Variants in CIITA observed in about 807,000 individuals in gnomAD.
The protein encoded by CIITA is MHC class II transactivator.
Under a neutral mutation model 115.1 loss-of-function variants are expected in CIITA, and 72 were observed. The ratio of observed to expected loss-of-function variants is 0.63; its 90% CI spans 0.52 to 0.76. CIITA has a LOEUF of 0.76. CIITA is among the 30% of genes least tolerant of loss of function. CIITA has a pLI of 0.00. For missense variants in CIITA, 1,617 were observed against 1,463.8 expected, an observed-to-expected ratio of 1.10 and a Z score of -1.71; for synonymous variants, 763 against 635.6, an observed-to-expected ratio of 1.20 and a Z score of -3.02.
chr16:10,918,860 C>T (rs1567444490), intron 16 of CIITA, among the ~76,000 whole-genome samples: 1 of 152,218 alleles, frequency 6.6e-6, no homozygotes, highest in Non-Finnish European at 1.5e-5. Context: ...GTGGTGGCTT[C>T]TGGAAGGCTA....
chr16:10,876,861 A>G (rs931625103), upstream of CIITA, among the ~76,000 whole-genome samples: 6 of 152,172 alleles, frequency 3.9e-5, no homozygotes, highest in African/African-American at 1.2e-4. Flanking sequence ...GCGGAGGGCT[A>G]TGATACTGGC....
In CIITA at chr16:10,901,185, G is replaced by A. The variant is rs2144522052; in HGVS notation, c.437-329G>A. Among the ~76,000 whole-genome samples the A allele has an allele frequency of 1.3e-5, 2 of 152,360 alleles. No homozygotes were observed. Among genetic ancestry groups the A allele is most frequent in the South Asian group, 4.1e-4 (2 of 4,824 alleles). ...GATGTGAGATCAAAGGTTCAGAGAA[G>A]CTGCATTGCAAAGGCACACAGCTAG... On this transcript the variant is annotated intron_variant, in intron 5 of 19. Transcript: ENST00000324288. The surrounding 1 kb of genome is among the most constrained non-coding windows in gnomAD (Gnocchi z 6.8).
intron 9 of CIITA, 130 bp downstream of exon 9, chr16:10,904,025 GGACAGGGAGGGTC>G: frequency 8.4e-7 from 1 of 1,193,534 alleles, no homozygotes; most frequent in Non-Finnish European, 1.2e-6. Flanking sequence ...GGGTCAGTCG[GGACAGGGAGGGTC>G]TCCAGGGAGT....
chr16:10,899,907 G>C (rs555081481), intron 5 of CIITA, among the ~76,000 whole-genome samples: 24 of 151,818 alleles, frequency 1.6e-4, no homozygotes, highest in Non-Finnish European at 2.9e-4. Context: ...TGGTGAAACC[G>C]CGTCTCTACC....
chr16:10,890,952 G>A (rs1475502217), intron 1 of CIITA, among the ~76,000 whole-genome samples: 3 of 152,208 alleles, frequency 2.0e-5, no homozygotes, highest in Non-Finnish European at 4.4e-5. Flanking sequence ...CCAGGTTACA[G>A]TGTGTTGGTA....
intron 9 of CIITA, 68 bp from the exon 10 acceptor site, chr16:10,904,676 C>T: frequency 6.4e-7 from 1 of 1,559,196 alleles, no homozygotes; most frequent in Non-Finnish European, 8.8e-7. Flanking sequence ...GACTAAGTGG[C>T]CCAGAGGGAG....
chr16:10,915,054 TG>T (rs1318413919), intron 13 of CIITA: 1 of 456,192 alleles, frequency 2.2e-6, no homozygotes, highest in African/African-American at 2.0e-5. Flanking sequence ...TTTCTTTTTT[TG>T]TTTTTTTTCT....
At chr16:10,890,837 G>A (rs146902123) in intron 1 of CIITA, among the ~76,000 whole-genome samples, 1 of 152,238 alleles carries the variant, frequency 6.6e-6, no homozygotes, top group South Asian at 2.1e-4. Flanking sequence ...ATTGCTAAGG[G>A]CTCCGCGTGA....
rs557974670 is a variant in CIITA at position 10,920,483 on chromosome 16, G to C, written c.3150-1684G>C. On this transcript the variant is annotated intron_variant, in intron 16 of 19. Transcript: ENST00000324288. This position sits in a 1 kb window ranked among gnomAD's most constrained non-coding sequence, Gnocchi z 4.5. The stretch of plus-strand genomic sequence containing the variant: ...ACTGGTCTTGAAATCCTGGGCCCAA[G>C]CGATCCACCCACCTCAGCCTTCCAA... Among the ~76,000 whole-genome samples, 2 of 152,338 alleles carry C rather than the reference G, an allele frequency of 1.3e-5. No homozygotes were observed. Among genetic ancestry groups the C allele is most frequent in the Middle Eastern group, 3.4e-3 (1 of 294 alleles).
chr16:10,871,039 C>G (rs941356675), intron 1 of CIITA, among the ~76,000 whole-genome samples: 2 of 152,240 alleles, frequency 1.3e-5, no homozygotes, highest in African/African-American at 4.8e-5. Context: ...GTTGAACTGG[C>G]ACATGGGCCA....
Position 10,906,737 on chromosome 16 carries a change from G to A in CIITA, c.1245G>A (p.Val415=), listed in dbSNP as rs2039185777. 6.2e-7 allele frequency: 1 copy of A among 1,610,838 alleles called. No homozygotes were observed. Residue 415 remains valine, a synonymous_variant, in exon 11 of 20, where the codon GTG becomes GTA. Coordinates refer to ENST00000324288, the MANE Select transcript of CIITA (RefSeq NM_000246.4). The stretch of plus-strand genomic sequence containing the variant: ...ACCGGCGGCCGCGTGAGACACGAGT[G>A]ATTGCTGTGCTGGGCAAAGCTGGTC... ...KEHRRPRETR[V]IAVLGKAGQG...
chr16:10,874,050 G>C (rs1447630716), upstream of CIITA, among the ~76,000 whole-genome samples: 1 of 151,578 alleles, frequency 6.6e-6, no homozygotes, highest in Admixed American at 6.6e-5. Context: ...GTGTGATCTC[G>C]GCTCACTTGC....
At chr16:10,876,088 C>T (rs886389419), upstream of CIITA, among the ~76,000 whole-genome samples, 1 of 152,014 alleles carries the variant, frequency 6.6e-6, no homozygotes, top group African/African-American at 2.4e-5. Context: ...ACCCGGGAGG[C>T]GGAGGTTGCA....
chr16:10,873,990 T>C (rs959297262), upstream of CIITA, among the ~76,000 whole-genome samples: 5 of 152,180 alleles, frequency 3.3e-5, no homozygotes, highest in African/African-American at 9.7e-5. Context: ...TTTTTGTTTT[T>C]GATTTTTTGA....
At chr16:10,922,334 G>A in intron 17 of CIITA, 73 bp from the exon 18 acceptor site, 3 of 1,608,056 alleles carry the variant, frequency 1.9e-6, no homozygotes, top group Non-Finnish European at 2.6e-6. Flanking sequence ...GGAAGAGCTG[G>A]ATGTGGGGGT....
chr16:10,879,962 G>C lies in CIITA; in HGVS notation c.52+2580G>C, dbSNP rs887794802. Among the ~76,000 whole-genome samples the C allele has an allele frequency of 6.6e-6, 1 of 152,194 alleles. No individual in the cohort carries two copies. Among genetic ancestry groups the C allele is most frequent in the African/African-American group, 2.4e-5 (1 of 41,454 alleles). On this transcript the variant is annotated intron_variant, in intron 1 of 19. Coordinates refer to ENST00000324288, the MANE Select transcript of CIITA (RefSeq NM_000246.4). The surrounding 1 kb of genome is among the most constrained non-coding windows in gnomAD (Gnocchi z 4.3). ...TGGCTCCCTCCCCAGCCGCAGCCTG[G>C]AGTGTCTAACTTTGGCAGGAAGTCT...
intron 1 of CIITA, among the ~76,000 whole-genome samples, chr16:10,877,733 C>T (rs759103660): frequency 2.0e-5 from 3 of 152,220 alleles, no homozygotes; most frequent in Non-Finnish European, 2.9e-5. Flanking sequence ...AGGGGTGCCT[C>T]TGCAGGACGG....
Position 10,908,022 on chromosome 16 carries a change from G to A in CIITA, c.2530G>A (p.Asp844Asn), listed in dbSNP as rs747820709. The change falls in exon 11 of 20, where the codon GAT becomes AAT. Residue 844 changes from aspartate to asparagine, a missense_variant. Asp to Asn is a conservative substitution (Grantham distance 23). Coordinates refer to ENST00000324288, the MANE Select transcript of CIITA (RefSeq NM_000246.4). ...TCTGGGCACCCGCCTCACGCCTCCT[G>A]ATGCACATGTACTGGGCAAGGCCTT... ...SFLGTRLTPP[D>N]AHVLGKALEA... is the part of the protein sequence containing the mutation. 1 of 1,606,402 alleles carries A rather than the reference G, an allele frequency of 6.2e-7. No individual in the cohort carries two copies. Among genetic ancestry groups the A allele is most frequent in the Non-Finnish European group, 8.5e-7 (1 of 1,174,382 alleles).
rs2040959999 is a variant in CIITA at position 10,934,849 on chromosome 16, GA to G, written c.*10995del. ...TGTGAGGGCACCAGCACCATCTGGG[GA>G]CTCGCTGGGTACCAATTATCACCGC... On this transcript the variant is annotated 3_prime_UTR_variant, in exon 20 of 20. Transcript: ENST00000324288. This position sits in a 1 kb window ranked among gnomAD's most constrained non-coding sequence, Gnocchi z 4.2. The G allele has an allele frequency of 6.6e-6, 1 of 152,266 alleles. No individual in the cohort carries two copies. 9.4% of individuals were successfully genotyped at this position (152,266 alleles called of 1,614,324 possible).
Sources: gnomAD v4.1 joint callset for allele counts (sites outside exome capture counted in the v4.1 genomes callset) on GRCh38, gnomAD v4.1.1 for gene constraint, Gnocchi (gnomAD v3.1) non-coding constraint, MANE v1.5 for transcripts, NCBI Gene and HGNC (gene_info 2026-07-23, HGNC 2026-07-21) for gene names.